The following DCDC1 variants were observed in gnomAD, a reference collection of about 807,000 sequenced individuals.
The protein encoded by DCDC1 is doublecortin domain containing 1.
In DCDC1, 200 loss-of-function variants were observed where a neutral mutation model predicts 178.3. That is an observed-to-expected ratio of 1.12 (90% CI 1.00 to 1.26). The LOEUF (loss-of-function observed/expected upper bound fraction) is 1.26, where lower values mean the gene tolerates loss of function less well. DCDC1 is among the 50% of genes most tolerant of loss of function. The probability of loss-of-function intolerance (pLI) is 0.00; values close to 1 mark genes in which losing one functional copy is unlikely to be tolerated. For synonymous variants in DCDC1, 690 were observed against 604.8 expected (o/e 1.14, Z -2.07); for missense variants, 1,983 against 1,749.2 (o/e 1.13, Z -2.38).
intron 1 of DCDC1, among the ~76,000 whole-genome samples, chr11:31,367,451 T>G (rs558026855): frequency 6.6e-6 from 1 of 152,234 alleles, no homozygotes; most frequent in Non-Finnish European, 1.5e-5. Flanking sequence ...TTGATTTCAG[T>G]ACCATGAAAA....
intron 20 of DCDC1, among the ~76,000 whole-genome samples, chr11:31,038,061 C>T (rs1177345983): frequency 1.3e-5 from 1 of 78,966 alleles, no homozygotes; most frequent in Admixed American, 2.1e-4. Flanking sequence ...ACATCACGCA[C>T]TGGGGCCTGT....
intron 20 of DCDC1, among the ~76,000 whole-genome samples, chr11:30,982,809 T>C (rs927961138): frequency 6.6e-6 from 1 of 152,186 alleles, no homozygotes; most frequent in Non-Finnish European, 1.5e-5. Flanking sequence ...TGATCATTTG[T>C]ACAGCATCCA....
intron 11 of DCDC1, among the ~76,000 whole-genome samples, chr11:31,126,335 G>C (rs1961615173): frequency 6.6e-6 from 1 of 152,150 alleles, no homozygotes; most frequent in South Asian, 2.1e-4. Flanking sequence ...CTGCACTATA[G>C]AAACCCTTGA....
intron 7 of DCDC1, among the ~76,000 whole-genome samples, chr11:31,282,141 C>T (rs545647707): frequency 3.9e-5 from 6 of 152,068 alleles, no homozygotes; most frequent in East Asian, 1.9e-4. Flanking sequence ...GGTTTGTGTA[C>T]AACTGATATT....
intron 6 of DCDC1, among the ~76,000 whole-genome samples, chr11:31,295,446 T>C (rs1020387373): frequency 2.6e-5 from 4 of 152,068 alleles, no homozygotes; most frequent in African/African-American, 4.8e-5. Context: ...GCTGTGACCA[T>C]TGCACAGCTG....
intron 9 of DCDC1, among the ~76,000 whole-genome samples, chr11:31,165,794 T>C (rs1352492096): frequency 6.6e-6 from 1 of 152,220 alleles, no homozygotes; most frequent in Non-Finnish European, 1.5e-5. Flanking sequence ...GAGGTTGTAG[T>C]GCTAGAGTGC....
intron 2 of DCDC1, among the ~76,000 whole-genome samples, chr11:31,334,320 C>T (rs1223284567): frequency 2.6e-5 from 4 of 152,150 alleles, no homozygotes; most frequent in Admixed American, 6.5e-5. Context: ...GCAATGGGTT[C>T]GAACATCCTC....
At chr11:31,076,689 A>G (rs1306187493) in intron 18 of DCDC1, among the ~76,000 whole-genome samples, 1 of 152,070 alleles carries the variant, frequency 6.6e-6, no homozygotes, top group Non-Finnish European at 1.5e-5. Flanking sequence ...TTTCTCATTA[A>G]TCCTGGATTT....
chr11:30,900,531 C>A, intron 32 of DCDC1, 33 bp from the exon 33 acceptor site: 2 of 1,446,800 alleles, frequency 1.4e-6, no homozygotes, highest in South Asian at 3.1e-5. Context: ...TATCATTGTT[C>A]AACGAATAAT....
At chr11:30,963,957 T>G (rs528928008) in intron 20 of DCDC1, among the ~76,000 whole-genome samples, 2 of 152,312 alleles carry the variant, frequency 1.3e-5, no homozygotes, top group Admixed American at 6.5e-5. Context: ...TTCTCATTGC[T>G]GTTTTCGTAA....
At chr11:31,368,644 T>C (rs1354505684) in intron 1 of DCDC1, among the ~76,000 whole-genome samples, 1 of 152,232 alleles carries the variant, frequency 6.6e-6, no homozygotes, top group Non-Finnish European at 1.5e-5. Flanking sequence ...CATAACATCA[T>C]TAAATAACTG....
intron 32 of DCDC1, among the ~76,000 whole-genome samples, chr11:30,901,057 T>C (rs1326644951): frequency 6.6e-6 from 1 of 152,062 alleles, no homozygotes; most frequent in Admixed American, 6.6e-5. Context: ...AAAGCAAAAT[T>C]TGGGCTCTGA....
At chr11:31,134,142 A>G (rs1962817509) in intron 10 of DCDC1, among the ~76,000 whole-genome samples, 1 of 152,194 alleles carries the variant, frequency 6.6e-6, no homozygotes, top group Non-Finnish European at 1.5e-5. Flanking sequence ...CATCATACCC[A>G]TCCACTCATG....
chr11:31,278,092 C>T (rs185255740), intron 7 of DCDC1, among the ~76,000 whole-genome samples: 47 of 152,162 alleles, frequency 3.1e-4, no homozygotes, highest in African/African-American at 1.1e-3. Flanking sequence ...GAGGTAAGTT[C>T]TTATCACACA....
intron 2 of DCDC1, among the ~76,000 whole-genome samples, chr11:31,328,945 C>CTTTTTTTTTTTTTT (rs1176942329): frequency 1.9e-4 from 9 of 47,800 alleles, no homozygotes; most frequent in Non-Finnish European, 2.5e-4. Context: ...CACCACAAGG[C>CTTTTTTTTTTTTTT]TTTTTTTTTT....
intron 3 of DCDC1, among the ~76,000 whole-genome samples, chr11:31,322,399 T>C (rs1278008996): frequency 1.3e-5 from 2 of 152,218 alleles, no homozygotes; most frequent in African/African-American, 2.4e-5. Context: ...TAAGAATTCA[T>C]CTTCCTTATA....
chr11:31,215,166 A>T, intron 9 of DCDC1: 1 of 251,160 alleles, frequency 4.0e-6, no homozygotes, highest in Non-Finnish European at 8.2e-6. Flanking sequence ...GCAGTGGCTC[A>T]CACCTGTAGT....
chr11:31,127,552 G>T lies in DCDC1; in HGVS notation c.1402C>A (p.Gln468Lys). ...TAGACATAAGAGGAGAATTGCTCCT[G>T]CTCAGCCTGTAATTGGGGGCCAAGT... ...CKLGPQLQAE[Q>K]EQFSSYVYQH... The change falls in exon 11 of 39, where the codon CAG becomes AAG. Residue 468 changes from glutamine to lysine, a missense_variant. Gln to Lys is a moderately conservative substitution (Grantham distance 53). Transcript: ENST00000684477. The T allele has an allele frequency of 1.4e-6, 1 of 702,728 alleles. No homozygotes were observed. Among genetic ancestry groups the T allele is most frequent in the East Asian group, 2.7e-5 (1 of 37,272 alleles). The allele number at this position is 702,728 out of a possible 1,614,324, so 43.5% of individuals were successfully genotyped here.
At chr11:31,037,277 T>G (rs1411231614) in intron 20 of DCDC1, among the ~76,000 whole-genome samples, 2 of 152,152 alleles carry the variant, frequency 1.3e-5, no homozygotes, top group Non-Finnish European at 2.9e-5. Context: ...AACTTGGTTT[T>G]TCCCAGAGAC....
Sources: allele counts gnomAD v4.1 joint callset (sites outside exome capture counted in the v4.1 genomes callset), GRCh38; gene constraint gnomAD v4.1.1; transcripts MANE v1.5; gene names NCBI Gene and HGNC (gene_info 2026-07-23, HGNC 2026-07-21).